Variants in CD36 observed in about 807,000 individuals in gnomAD.
CD36 encodes platelet glycoprotein 4.
In CD36, 119 loss-of-function variants were observed where a neutral mutation model predicts 55.2. The ratio of observed to expected loss-of-function variants is 2.15; its 90% CI spans 1.86 to 2.51. The LOEUF (loss-of-function observed/expected upper bound fraction) is 2.51, where lower values mean the gene tolerates loss of function less well. CD36 is among the 30% of genes most tolerant of loss of function. The pLI, the probability that CD36 is intolerant of heterozygous loss-of-function variation, is 0.00. For synonymous variants in CD36, 186 were observed against 193.6 expected, an observed-to-expected ratio of 0.96 and a Z score of 0.33; for missense variants, 819 against 555.5, an observed-to-expected ratio of 1.47 and a Z score of -4.77.
At chr7:80,606,059 A>C (rs1321728314) in intron 1 of CD36, among the ~76,000 whole-genome samples, 1 of 152,142 alleles carries the variant, frequency 6.6e-6, no homozygotes, top group African/African-American at 2.4e-5. Context: ...CATAATAAGC[A>C]CTCAATAGAG....
intron 9 of CD36, 62 bp from the exon 10 acceptor site, chr7:80,670,915 A>C (rs1584460209): frequency 1.2e-5 from 14 of 1,130,566 alleles, no homozygotes; most frequent in African/African-American, 9.3e-5. Context: ...AATAAGAAAA[A>C]ATGAATCTCC....
intron 3 of CD36, among the ~76,000 whole-genome samples, chr7:80,651,797 CT>C (rs1795644145): frequency 6.6e-6 from 1 of 152,090 alleles, no homozygotes; most frequent in African/African-American, 2.4e-5. Flanking sequence ...GTAGTCCTAG[CT>C]TTTGTGGGGC....
chr7:80,660,129 A>C (rs1796406992), intron 4 of CD36, among the ~76,000 whole-genome samples: 1 of 152,152 alleles, frequency 6.6e-6, no homozygotes, highest in Non-Finnish European at 1.5e-5. Flanking sequence ...ACAGGCATTC[A>C]AATATGACAG....
At chr7:80,647,449 A>G (rs1300845331) in intron 3 of CD36, among the ~76,000 whole-genome samples, 1 of 152,172 alleles carries the variant, frequency 6.6e-6, no homozygotes, top group Non-Finnish European at 1.5e-5. Flanking sequence ...ATACTTTCAG[A>G]AATATGCAGA....
chr7:80,635,104 G>A (rs982462313), upstream of CD36, among the ~76,000 whole-genome samples: 5 of 152,158 alleles, frequency 3.3e-5, no homozygotes, highest in Non-Finnish European at 7.4e-5. Context: ...ATTACTGGGG[G>A]AAGGTTAACA....
intron 1 of CD36, among the ~76,000 whole-genome samples, chr7:80,621,856 G>C (rs1227478070): frequency 6.6e-6 from 1 of 152,170 alleles, no homozygotes; most frequent in Non-Finnish European, 1.5e-5. Context: ...CCCACCTCTA[G>C]CCGAAGACAG....
intron 1 of CD36, among the ~76,000 whole-genome samples, chr7:80,645,216 C>T (rs1036065246): frequency 1.3e-5 from 2 of 151,426 alleles, no homozygotes; most frequent in African/African-American, 2.4e-5. Flanking sequence ...GATGGGGTTT[C>T]TCTGTGTTGG....
chr7:80,612,248 G>A (rs529472053), intron 1 of CD36, among the ~76,000 whole-genome samples: 1 of 152,262 alleles, frequency 6.6e-6, no homozygotes, highest in East Asian at 1.9e-4. Context: ...ACTGAGTCCT[G>A]TAATATAAAA....
At chr7:80,665,439 C>A (rs932087798) in intron 7 of CD36, among the ~76,000 whole-genome samples, 2 of 151,976 alleles carry the variant, frequency 1.3e-5, no homozygotes, top group Non-Finnish European at 2.9e-5. Flanking sequence ...CTAATGATTG[C>A]TTTTAACAGC....
At chr7:80,624,806 T>G (rs779705592) in intron 1 of CD36, among the ~76,000 whole-genome samples, 5 of 152,068 alleles carry the variant, frequency 3.3e-5, no homozygotes, top group Admixed American at 6.6e-5. Context: ...TAGCCAAAGA[T>G]GTATTATAAT....
rs373416118 is a variant in CD36, at chr7:80,646,881, A to T, written c.120+21A>T. ...AAAAGGTACAAGTAGTCCAAAGAAT[A>T]TGCCTTCTCATTTTGATTGATTCTA... On this transcript the variant is annotated intron_variant, in intron 3 of 14. Transcript: ENST00000447544. The T allele has an allele frequency of 2.3e-5, 37 of 1,613,030 alleles. No homozygotes were observed. In the African/African-American group the frequency reaches 4.5e-4, roughly 20 times the overall value.
At chr7:80,643,724 T>C (rs1257154710) in intron 1 of CD36, among the ~76,000 whole-genome samples, 1 of 152,184 alleles carries the variant, frequency 6.6e-6, no homozygotes, top group Admixed American at 6.5e-5. Context: ...AATTAAAAAA[T>C]GCTGATCTCA....
At chr7:80,666,275 A>G (rs1797083522) in intron 7 of CD36, 168 bp from the exon 8 acceptor site, 2 of 611,996 alleles carry the variant, frequency 3.3e-6, no homozygotes, top group Admixed American at 2.4e-5. Flanking sequence ...GCAATAAGAT[A>G]AAAGGTTCAA....
rs1159945938 is a variant in CD36 at position 80,677,521 on chromosome 7, A to G, written c.*1138A>G. On this transcript the variant is annotated 3_prime_UTR_variant, in exon 15 of 15. Transcript: ENST00000447544. ...CAGAAAAGCCACAAACCAAGAATCT[A>G]CCTGTTTGGAAAGATCTTTTGCATC... is the stretch of plus-strand genomic sequence containing the variant. The G allele has an allele frequency of 6.6e-6, 1 of 152,206 alleles. No individual in the cohort carries two copies. The highest frequency in any genetic ancestry group is 1.5e-5 in the Non-Finnish European group (1 of 68,034). 9.4% of individuals were successfully genotyped at this position (152,206 alleles called of 1,614,324 possible).
At position 80,664,555 on chromosome 7, in the gene CD36, G is replaced by A; in HGVS notation, c.701+58G>A. The A allele has an allele frequency of 6.4e-6, 6 of 938,998 alleles. No individual in the cohort carries two copies. The South Asian group carries it at 7.7e-5, about 12-fold the overall frequency. 58.2% of individuals were successfully genotyped at this position (938,998 alleles called of 1,614,324 possible). A position where few individuals can be genotyped will look rare whatever the true frequency, so the allele number is the denominator to read the frequency against. ...ACTAGGGTACTCTTAAGCAGGAATA[G>A]TATTCATTTAACATCTCATAAGACA... On this transcript the variant is annotated intron_variant, in intron 7 of 14. Coordinates refer to ENST00000447544, the MANE Select transcript of CD36 (RefSeq NM_001001548.3).
intron 1 of CD36, among the ~76,000 whole-genome samples, chr7:80,614,820 A>G (rs1026179302): frequency 6.6e-6 from 1 of 152,092 alleles, no homozygotes; most frequent in Non-Finnish European, 1.5e-5. Flanking sequence ...TTAGCTTTAT[A>G]CTGTATTTGT....
intron 2 of CD36, chr7:80,646,391 T>C (rs748819650): frequency 8.7e-5 from 28 of 321,368 alleles, no homozygotes; most frequent in African/African-American, 6.0e-4. Flanking sequence ...GATTTCAATA[T>C]GTTAATCATG....
At chr7:80,625,350 A>G (rs1793685210) in intron 1 of CD36, among the ~76,000 whole-genome samples, 1 of 152,174 alleles carries the variant, frequency 6.6e-6, no homozygotes, top group Non-Finnish European at 1.5e-5. Context: ...ATTGTTCTAT[A>G]GAAACAAACT....
At chr7:80,631,894 G>A (rs952838689) in intron 1 of CD36, among the ~76,000 whole-genome samples, 1 of 151,540 alleles carries the variant, frequency 6.6e-6, no homozygotes, top group Admixed American at 6.6e-5. Flanking sequence ...ATTGTATAAT[G>A]CTTTGTTAAA....
Sources: allele counts gnomAD v4.1 joint callset (sites outside exome capture counted in the v4.1 genomes callset), GRCh38; gene constraint gnomAD v4.1.1; transcripts MANE v1.5; gene names NCBI Gene and HGNC (gene_info 2026-07-23, HGNC 2026-07-21).